The following INTS9 variants were observed in gnomAD, a reference collection of about 807,000 sequenced individuals.
INTS9 encodes the protein protein related to CPSF subunits of 74 kDa.
A neutral mutation model predicts 79.7 loss-of-function variants in INTS9; 55 were observed. That is an observed-to-expected ratio of 0.69 (90% CI 0.56 to 0.86). The LOEUF (loss-of-function observed/expected upper bound fraction) is 0.86. INTS9 is among the 40% of genes least tolerant of loss of function. The probability of loss-of-function intolerance (pLI) is 0.00; values close to 1 mark genes in which losing one functional copy is unlikely to be tolerated. For synonymous variants in INTS9, 319 were observed against 325.2 expected (o/e 0.98, Z 0.20); for missense variants, 721 against 831.5 (o/e 0.87, Z 1.64).
chr8:28,870,146 A>G (rs1292372089), intron 1 of INTS9, among the ~76,000 whole-genome samples: 1 of 152,134 alleles, frequency 6.6e-6, no homozygotes, highest in Non-Finnish European at 1.5e-5. Context: ...ATGGAACTAT[A>G]TATGTGACTG....
intron 7 of INTS9, among the ~76,000 whole-genome samples, chr8:28,813,269 C>T (rs1210572417): frequency 6.6e-6 from 1 of 152,146 alleles, no homozygotes; most frequent in Non-Finnish European, 1.5e-5. Flanking sequence ...TTTCTCCGGA[C>T]TCCCTGCACG....
chr8:28,866,445 CAG>C (rs1345103587), intron 1 of INTS9, among the ~76,000 whole-genome samples: 1 of 152,098 alleles, frequency 6.6e-6, no homozygotes, highest in Admixed American at 6.6e-5. Flanking sequence ...GCATACGCGT[CAG>C]ACTCTCAACA....
At chr8:28,879,495 A>C (rs1414049023) in intron 1 of INTS9, among the ~76,000 whole-genome samples, 1 of 152,190 alleles carries the variant, frequency 6.6e-6, no homozygotes, top group African/African-American at 2.4e-5. Flanking sequence ...TTTTCTTCCT[A>C]AGATGAGGAA....
chr8:28,881,339 G>A (rs1316757955), intron 1 of INTS9, among the ~76,000 whole-genome samples: 4 of 139,274 alleles, frequency 2.9e-5, no homozygotes, highest in East Asian at 4.5e-4. Context: ...CGCCCCGTCC[G>A]GGAGGTGAGG....
At chr8:28,833,718 A>C (rs1806641140) in intron 6 of INTS9, among the ~76,000 whole-genome samples, 1 of 151,894 alleles carries the variant, frequency 6.6e-6, no homozygotes, top group Non-Finnish European at 1.5e-5. Flanking sequence ...TTTACTCCAG[A>C]CTTGACGCCA....
intron 10 of INTS9, among the ~76,000 whole-genome samples, chr8:28,788,392 A>G (rs1182822144): frequency 6.6e-6 from 1 of 152,172 alleles, no homozygotes; most frequent in Non-Finnish European, 1.5e-5. Flanking sequence ...AGTGATCTAC[A>G]CCTTGAGACA....
At position 28,889,959 on chromosome 8, in the gene INTS9, A is replaced by G. The variant is rs1186925249; in HGVS notation, c.-77T>C. 3.3e-6 allele frequency: 4 copies of G among 1,220,856 alleles called. No individual in the cohort carries two copies. The Admixed American group carries it at 7.2e-5, about 22-fold the overall frequency. The allele number at this position is 1,220,856 out of a possible 1,614,324, so 75.6% of individuals were successfully genotyped here. On this transcript the variant is annotated 5_prime_UTR_variant, in exon 1 of 17. Transcript: ENST00000521022. ...AGCGTCTTCCGGTGCAATCTCCGCC[A>G]CCTGCCAGCCGAGAGCATCGCGGGA...
chr8:28,832,547 T>C (rs938354401), intron 6 of INTS9, among the ~76,000 whole-genome samples: 2 of 151,892 alleles, frequency 1.3e-5, no homozygotes, highest in Non-Finnish European at 2.9e-5. Context: ...GGGTTAGGAG[T>C]ATGGACCCTG....
At chr8:28,798,031 G>C (rs974728278) in intron 8 of INTS9, 6 of 152,120 alleles carry the variant, frequency 3.9e-5, no homozygotes. Context: ...TTTATAACCT[G>C]AAAAACATTT....
Position 28,837,735 on chromosome 8 carries a change from G to C in INTS9, c.303C>G (p.Ile101Met), listed in dbSNP as rs559859500. 17 of 1,613,938 alleles carry C rather than the reference G, an allele frequency of 1.1e-5. 1 individual carries two copies. The South Asian group carries it at 1.3e-4, about 13-fold the overall frequency. ...IDLSTVDVIL[I>M]SNYHCMMALP... is the part of the protein sequence containing the mutation. ...GCGCCATCATACAGTGATAGTTAGAGATGAGAATCACATCTACTGTAGACA... is the reference window on the plus strand; with the variant it reads ...GCGCCATCATACAGTGATAGTTAGACATGAGAATCACATCTACTGTAGACA... The change falls in exon 5 of 17, where the codon ATC becomes ATG. Residue 101 changes from isoleucine to methionine, a missense_variant. Ile to Met is a conservative substitution (Grantham distance 10). Transcript: ENST00000521022.
chr8:28,883,910 T>C (rs774534695), intron 1 of INTS9, among the ~76,000 whole-genome samples: 3 of 152,186 alleles, frequency 2.0e-5, no homozygotes, highest in Non-Finnish European at 4.4e-5. Context: ...AATGACTTGG[T>C]GGCCATGCTG....
intron 6 of INTS9, among the ~76,000 whole-genome samples, chr8:28,831,236 C>A (rs1444806235): frequency 6.6e-6 from 1 of 152,182 alleles, no homozygotes; most frequent in African/African-American, 2.4e-5. Flanking sequence ...CGTGTTCTCA[C>A]TTTTAAGTGG....
chr8:28,805,229 G>A (rs573006846), intron 8 of INTS9, among the ~76,000 whole-genome samples: 62 of 152,262 alleles, frequency 4.1e-4, no homozygotes, highest in African/African-American at 1.4e-3. Context: ...AATCTAAATG[G>A]CTTCAGGGTT....
intron 11 of INTS9, among the ~76,000 whole-genome samples, chr8:28,782,172 C>A (rs1349653984): frequency 6.6e-6 from 1 of 152,158 alleles, no homozygotes; most frequent in African/African-American, 2.4e-5. Flanking sequence ...TCTGGTAATA[C>A]TGACATACTT....
intron 5 of INTS9, among the ~76,000 whole-genome samples, chr8:28,836,584 G>T (rs1439736533): frequency 6.6e-6 from 1 of 152,136 alleles, no homozygotes; most frequent in African/African-American, 2.4e-5. Context: ...TGAAGGAAGA[G>T]TGCTAATTTC....
At chr8:28,830,740 C>A (rs1385502570) in intron 6 of INTS9, among the ~76,000 whole-genome samples, 2 of 151,910 alleles carry the variant, frequency 1.3e-5, no homozygotes, top group African/African-American at 4.8e-5. Flanking sequence ...CTCTTTCACA[C>A]CTCAGTATGT....
intron 2 of INTS9, among the ~76,000 whole-genome samples, chr8:28,856,578 A>T (rs1341625238): frequency 2.0e-5 from 3 of 152,160 alleles, no homozygotes; most frequent in Admixed American, 2.0e-4. Flanking sequence ...ACACACCACC[A>T]TGCCTAGCTA....
intron 6 of INTS9, among the ~76,000 whole-genome samples, chr8:28,831,913 C>T (rs1479101438): frequency 1.3e-5 from 2 of 152,006 alleles, no homozygotes; most frequent in Non-Finnish European, 1.5e-5. Flanking sequence ...CCATATTGGC[C>T]AGGCTGGTCT....
At chr8:28,798,162 T>C (rs146016525) in intron 8 of INTS9, 83 of 152,378 alleles carry the variant, frequency 5.4e-4, no homozygotes, top group African/African-American at 1.8e-3. Context: ...TGGGCAGAAC[T>C]CATCTATTTG....
Sources: gnomAD v4.1 joint callset for allele counts (sites outside exome capture counted in the v4.1 genomes callset) on GRCh38, gnomAD v4.1.1 for gene constraint, MANE v1.5 for transcripts, NCBI Gene and HGNC (gene_info 2026-07-23, HGNC 2026-07-21) for gene names.